Variants in C16orf96 observed in about 807,000 individuals in gnomAD.
C16orf96 encodes the protein chromosome 16 open reading frame 96.
A neutral mutation model predicts 103.6 loss-of-function variants in C16orf96; 108 were observed. The observed-to-expected ratio is 1.04, with a 90% CI of 0.89 to 1.22. C16orf96 has a LOEUF of 1.22. Among genes scored for constraint, C16orf96 ranks in the 50% most tolerant of loss-of-function variants. The pLI is 0.00. For missense variants in C16orf96, 1,586 were observed against 1,464.2 expected (o/e 1.08, Z -1.36); for synonymous variants, 566 against 593.5 (o/e 0.95, Z 0.67).
chr16:4,540,008 G>T, the C16orf96 span, among the ~76,000 whole-genome samples: 1 of 152,180 alleles, frequency 6.6e-6, no homozygotes, highest in Non-Finnish European at 1.5e-5. Flanking sequence ...CAGGGAGACT[G>T]ATTTGAGTAA....
In C16orf96 at chr16:4,593,497, C is replaced by T. The variant is rs564789395; in HGVS notation, c.2867+181C>T. Among the ~76,000 whole-genome samples the T allele has an allele frequency of 6.6e-5, 10 of 151,266 alleles. No individual in the cohort carries two copies. In the East Asian group the frequency reaches 1.2e-3, roughly 18 times the overall value. Reference sequence around the variant, plus strand: ...GTGGCTGGGGCGGCAGACAGGCCCACGAGATGATGGCGGAGGGAGGAACTG... The same window carrying T: ...GTGGCTGGGGCGGCAGACAGGCCCATGAGATGATGGCGGAGGGAGGAACTG... On this transcript the variant is annotated intron_variant, in intron 12 of 15. Coordinates refer to ENST00000444310, the MANE Select transcript of C16orf96 (RefSeq NM_001145011.2). This position sits in a 1 kb window ranked among gnomAD's most constrained non-coding sequence, Gnocchi z 4.2.
At chr16:4,581,831 C>T (rs540516566) in intron 7 of C16orf96, among the ~76,000 whole-genome samples, 1 of 152,084 alleles carries the variant, frequency 6.6e-6, no homozygotes, top group African/African-American at 2.4e-5. Flanking sequence ...TAGCACATGC[C>T]TGTAGTCCCA....
chr16:4,564,835 A>C (rs1044033385), intron 1 of C16orf96, among the ~76,000 whole-genome samples: 4 of 152,160 alleles, frequency 2.6e-5, no homozygotes, highest in Non-Finnish European at 5.9e-5. Context: ...AAATACAAAT[A>C]AAAATTGGGT....
Position 4,593,370 on chromosome 16 carries a change from G to C in C16orf96, c.2867+54G>C. On this transcript the variant is annotated intron_variant, in intron 12 of 15. Coordinates refer to ENST00000444310, the MANE Select transcript of C16orf96 (RefSeq NM_001145011.2). This position sits in a 1 kb window ranked among gnomAD's most constrained non-coding sequence, Gnocchi z 4.2. ...GCCGCCCCGCATGGAGGCCACTCTG[G>C]AGCCTGGGAACCCTGTTCCTGCAGA... 1 of 1,482,146 alleles carries C rather than the reference G, an allele frequency of 6.7e-7. No individual in the cohort carries two copies. The highest frequency in any genetic ancestry group is 2.5e-5 in the East Asian group (1 of 40,434). 91.8% of individuals were successfully genotyped at this position (1,482,146 alleles called of 1,614,324 possible). A position where few individuals can be genotyped will look rare whatever the true frequency, so the allele number is the denominator to read the frequency against.
At chr16:4,578,129 A>G (rs2059535709) in intron 5 of C16orf96, among the ~76,000 whole-genome samples, 1 of 152,126 alleles carries the variant, frequency 6.6e-6, no homozygotes, top group South Asian at 2.1e-4. Context: ...AAAATTTAAA[A>G]AAAAATTTTT....
At chr16:4,571,286 A>G (rs1272395361) in intron 1 of C16orf96, among the ~76,000 whole-genome samples, 4 of 152,168 alleles carry the variant, frequency 2.6e-5, no homozygotes, top group African/African-American at 9.7e-5. Context: ...GACATCTATC[A>G]TAGAAGAAAG....
chr16:4,566,535 C>T (rs1312310790), intron 1 of C16orf96, among the ~76,000 whole-genome samples: 2 of 152,100 alleles, frequency 1.3e-5, no homozygotes, highest in Non-Finnish European at 2.9e-5. Flanking sequence ...TTATTTGTAT[C>T]ATTGAGTTGT....
intron 7 of C16orf96, among the ~76,000 whole-genome samples, chr16:4,585,431 T>A (rs1306484607): frequency 6.6e-6 from 1 of 151,968 alleles, no homozygotes; most frequent in Non-Finnish European, 1.5e-5. Context: ...TACTCCAGCC[T>A]GAGTGACAGA....
chr16:4,600,497 C>CCCACCCCTACCAAGTCCCCTCCA lies in C16orf96; in HGVS notation c.*181_*182insCACCCCTACCAAGTCCCCTCCAC. 1 of 484,854 alleles carries CCCACCCCTACCAAGTCCCCTCCA rather than the reference C, an allele frequency of 2.1e-6. No homozygotes were observed. The highest frequency in any genetic ancestry group is 3.7e-6 in the Non-Finnish European group (1 of 267,964). The allele number at this position is 484,854 out of a possible 1,614,324, so 30.0% of individuals were successfully genotyped here. ...GAGGCTGAGGCTCATGCGCCCCCCC[C>CCCACCCCTACCAAGTCCCCTCCA]CATCCCTACCAAGTCCCCTCCACGT... On this transcript the variant is annotated 3_prime_UTR_variant, in exon 16 of 16. Coordinates refer to ENST00000444310, the MANE Select transcript of C16orf96 (RefSeq NM_001145011.2).
intron 2 of C16orf96, among the ~76,000 whole-genome samples, chr16:4,573,553 C>G (rs549666757): frequency 6.6e-6 from 1 of 151,076 alleles, no homozygotes; most frequent in Non-Finnish European, 1.5e-5. Context: ...GAGATCGAGA[C>G]CATCCTCGCT....
rs2059439999 is a variant in C16orf96, at chr16:4,571,679, C to G, written c.525+14C>G. The G allele has an allele frequency of 7.1e-6, 11 of 1,546,814 alleles. No homozygotes were observed. Among genetic ancestry groups the G allele is most frequent in the Non-Finnish European group, 8.7e-6 (10 of 1,143,246 alleles). On this transcript the variant is annotated intron_variant, in intron 2 of 15. Transcript: ENST00000444310. ...ATGCTTGACAAGGTAGGCCCTCCCC[C>G]AGCATCCTCCATGCCAGCTGCGTTG...
intron 1 of C16orf96, among the ~76,000 whole-genome samples, chr16:4,566,056 A>AC (rs1277936743): frequency 1.3e-5 from 2 of 152,224 alleles, no homozygotes; most frequent in Non-Finnish European, 2.9e-5. Flanking sequence ...TTAACAGCCC[A>AC]CGCTGGTCTT....
At chr16:4,542,241 C>A in the C16orf96 span, among the ~76,000 whole-genome samples, 9 of 152,020 alleles carry the variant, frequency 5.9e-5, no homozygotes, top group Admixed American at 5.9e-4. Flanking sequence ...GGCTCATGCC[C>A]ATAGTCCCAC....
rs1202740674 is a variant in C16orf96 at position 4,567,286 on chromosome 16, T to C, written c.421-4275T>C. 7.8e-4 allele frequency among the ~76,000 whole-genome samples: 105 copies of C among 135,022 alleles called. No homozygotes were observed. In the South Asian group the frequency reaches 0.011, roughly 15 times the overall value. 88.6% of individuals were successfully genotyped at this position (135,022 alleles called of 152,430 possible). ...TCTTTGACATATTTCTTTTCTTTTT[T>C]TTTTTTTTTTTTTTTGAGATGGAGT... On this transcript the variant is annotated intron_variant, in intron 1 of 15. Transcript: ENST00000444310.
chr16:4,557,769 A>T (rs2059281880), intron 1 of C16orf96, among the ~76,000 whole-genome samples: 1 of 152,056 alleles, frequency 6.6e-6, no homozygotes, highest in African/African-American at 2.4e-5. Context: ...TCCCAGACTC[A>T]AGCAATCCTC....
rs966757706 is a variant in C16orf96, at chr16:4,556,978, T to A, written c.420+69T>A. On this transcript the variant is annotated intron_variant, in intron 1 of 15. Transcript: ENST00000444310. The stretch of plus-strand genomic sequence containing the variant: ...CTGGCTCTCTCCTGGGACGTCTTTT[T>A]TTTGTTTTTGAGACTCCGTCTCGCT... 2.8e-6 allele frequency: 4 copies of A among 1,444,598 alleles called. No individual in the cohort carries two copies. In the Admixed American group the frequency reaches 8.3e-5, roughly 30 times the overall value. 89.5% of individuals were successfully genotyped at this position (1,444,598 alleles called of 1,614,324 possible).
At chr16:4,563,065 G>A (rs189573794) in intron 1 of C16orf96, 37 of 849,666 alleles carry the variant, frequency 4.4e-5, no homozygotes, top group East Asian at 2.5e-4. Flanking sequence ...TCCAAGTTTC[G>A]CCTGTCTTTT....
intron 8 of C16orf96, among the ~76,000 whole-genome samples, chr16:4,587,529 C>A (rs1399769937): frequency 2.6e-4 from 31 of 118,640 alleles, no homozygotes; most frequent in African/African-American, 7.6e-4. Context: ...AACTCTGTCT[C>A]AAAAAAAAAA....
chr16:4,559,806 C>T (rs567834031), intron 1 of C16orf96, among the ~76,000 whole-genome samples: 7 of 152,194 alleles, frequency 4.6e-5, no homozygotes, highest in East Asian at 1.9e-4. Flanking sequence ...TTCTGTCTTA[C>T]GGATTTGCCT....
Sources: allele counts gnomAD v4.1 joint callset (sites outside exome capture counted in the v4.1 genomes callset), GRCh38; gene constraint gnomAD v4.1.1; non-coding constraint Gnocchi (gnomAD v3.1); transcripts MANE v1.5; gene names NCBI Gene and HGNC (gene_info 2026-07-23, HGNC 2026-07-21).